TEX29: variants seen among roughly 807,000 people sequenced by gnomAD.
The protein encoded by TEX29 is testis expressed 29, also known as testis-expressed protein 29.
Under a neutral mutation model 18.2 loss-of-function variants are expected in TEX29, and 26 were observed. That is an observed-to-expected ratio of 1.43 (90% CI 1.04 to 1.98). TEX29 has a LOEUF of 1.98. TEX29 is among the 30% of genes most tolerant of loss of function. The probability of loss-of-function intolerance (pLI) is 0.00; values close to 1 mark genes in which losing one functional copy is unlikely to be tolerated. For missense variants in TEX29, 177 were observed against 194.2 expected (o/e 0.91, Z 0.53); for synonymous variants, 83 against 78.5 (o/e 1.06, Z -0.31).
intron 5 of TEX29, among the ~76,000 whole-genome samples, chr13:111,343,399 C>A (rs1406235431): frequency 6.6e-6 from 1 of 151,884 alleles, no homozygotes. Flanking sequence ...GGTGCCCTGG[C>A]CGCCTGGTGG....
At chr13:111,323,680 C>T (rs994920740) in intron 2 of TEX29, among the ~76,000 whole-genome samples, 3 of 151,610 alleles carry the variant, frequency 2.0e-5, no homozygotes, top group African/African-American at 7.3e-5. Flanking sequence ...GTGGTTCACA[C>T]GTGCTCCAGG....
intron 4 of TEX29, 28 bp from the exon 5 acceptor site, chr13:111,342,728 G>T (rs2153642205): frequency 6.2e-7 from 1 of 1,605,160 alleles, no homozygotes; most frequent in South Asian, 1.1e-5. Context: ...TAACTTCCCT[G>T]ACTGTGATAA....
chr13:111,332,642 A>G (rs2093684324), intron 3 of TEX29, among the ~76,000 whole-genome samples: 1 of 152,214 alleles, frequency 6.6e-6, no homozygotes, highest in Non-Finnish European at 1.5e-5. Context: ...TCACCATTAA[A>G]TACAGTGGTA....
chr13:111,320,365 G>A (rs1341213060), upstream of TEX29, among the ~76,000 whole-genome samples: 1 of 152,252 alleles, frequency 6.6e-6, no homozygotes, highest in Non-Finnish European at 1.5e-5. Context: ...GGGAGGGACA[G>A]GACTCAAGCA....
Position 111,344,114 on chromosome 13 carries a change from T to G in TEX29, c.447T>G (p.Thr149=), listed in dbSNP as rs1462478078. 6.2e-7 allele frequency: 1 copy of G among 1,613,250 alleles called. No homozygotes were observed. Among genetic ancestry groups the G allele is most frequent in the Non-Finnish European group, 8.5e-7 (1 of 1,179,500 alleles). The part of the protein sequence containing the change: ...VTGTITEAEE[T]ED The stretch of plus-strand genomic sequence containing the variant: ...GGACAATAACAGAAGCCGAAGAAAC[T>G]GAGGACTGACTGAGACGCATGAAGA... The change falls in exon 6 of 6, where the codon ACT becomes ACG. Residue 149 remains threonine, a synonymous_variant. Coordinates refer to ENST00000283547, the MANE Select transcript of TEX29 (RefSeq NM_152324.3).
intron 1 of TEX29, 44 bp downstream of exon 1, chr13:111,320,806 C>G (rs2093662723): frequency 6.3e-7 from 1 of 1,579,472 alleles, no homozygotes; most frequent in East Asian, 2.2e-5. Flanking sequence ...CGCCCGCTCC[C>G]CAAACGACGT....
At chr13:111,340,090 C>T (rs895333367) in intron 4 of TEX29, among the ~76,000 whole-genome samples, 158 bp downstream of exon 4, 5 of 151,958 alleles carry the variant, frequency 3.3e-5, no homozygotes, top group African/African-American at 4.8e-5. Context: ...GCCAGGCTCA[C>T]GGAGGGCCCC....
chr13:111,339,973 G>T (rs1177826448), intron 4 of TEX29, 41 bp downstream of exon 4: 1 of 1,461,870 alleles, frequency 6.8e-7, no homozygotes, highest in Non-Finnish European at 9.6e-7. Flanking sequence ...GGGGAGGAGG[G>T]GACTCACCTC....
rs2093676991 is a variant in TEX29, at chr13:111,328,114, G to T, written c.59-69G>T. 2.9e-6 allele frequency: 3 copies of T among 1,041,530 alleles called. No homozygotes were observed. In the South Asian group the frequency reaches 3.9e-5, roughly 14 times the overall value. The allele number at this position is 1,041,530 out of a possible 1,614,324, so 64.5% of individuals were successfully genotyped here. ...AGCTGCTCCCCACACCGGTTCCCAGGTTCTTTAGCGGAGAGCAGAGTGGCT... is the reference window on the plus strand; with the variant it reads ...AGCTGCTCCCCACACCGGTTCCCAGTTTCTTTAGCGGAGAGCAGAGTGGCT... On this transcript the variant is annotated intron_variant, in intron 2 of 5. Coordinates refer to ENST00000283547, the MANE Select transcript of TEX29 (RefSeq NM_152324.3).
At chr13:111,339,398 G>T in intron 3 of TEX29, 1 of 455,284 alleles carries the variant, frequency 2.2e-6, no homozygotes, top group South Asian at 1.6e-5. Flanking sequence ...ACCCCCAGGG[G>T]TCAGGAGCCA....
intron 2 of TEX29, among the ~76,000 whole-genome samples, chr13:111,324,294 C>T (rs972246071): frequency 6.6e-6 from 1 of 152,168 alleles, no homozygotes; most frequent in Non-Finnish European, 1.5e-5. Flanking sequence ...TCTAGTGGGC[C>T]GCCGGGCAGT....
At chr13:111,320,975 G>T in intron 2 of TEX29, 27 bp downstream of exon 2, 3 of 1,441,402 alleles carry the variant, frequency 2.1e-6, no homozygotes, top group Non-Finnish European at 2.8e-6. Context: ...CCAGGGGGGC[G>T]GGTGGGGTGG....
intron 3 of TEX29, 142 bp downstream of exon 3, chr13:111,328,435 T>C: frequency 1.6e-6 from 1 of 642,846 alleles, no homozygotes; most frequent in Non-Finnish European, 2.8e-6. Flanking sequence ...ACTCTTCTGC[T>C]CCGTCTTAGT....
At chr13:111,322,316 T>C (rs2093666086) in intron 2 of TEX29, among the ~76,000 whole-genome samples, 1 of 151,604 alleles carries the variant, frequency 6.6e-6, no homozygotes, top group African/African-American at 2.4e-5. Flanking sequence ...GCCGCTCTTG[T>C]GGACGGCTGG....
intron 3 of TEX29, among the ~76,000 whole-genome samples, chr13:111,337,627 G>A (rs951096994): frequency 3.9e-5 from 6 of 152,084 alleles, no homozygotes; most frequent in African/African-American, 1.4e-4. Flanking sequence ...TGAGAATCGG[G>A]AGGCCATCCT....
rs1013643309 is a variant in TEX29 at position 111,336,803 on chromosome 13, T to A, written c.170-3060T>A. 2.0e-5 allele frequency among the ~76,000 whole-genome samples: 3 copies of A among 152,242 alleles called. No individual in the cohort carries two copies. The East Asian group carries it at 5.8e-4, about 29-fold the overall frequency. ...CAAAGATATGGTCTGTAATAAATAGTGTTGCTAGACAGACACTGTACGGAG... is the reference window on the plus strand; with the variant it reads ...CAAAGATATGGTCTGTAATAAATAGAGTTGCTAGACAGACACTGTACGGAG... On this transcript the variant is annotated intron_variant, in intron 3 of 5. Transcript: ENST00000283547.
At chr13:111,319,773 G>A (rs2093660752), upstream of TEX29, among the ~76,000 whole-genome samples, 1 of 152,112 alleles carries the variant, frequency 6.6e-6, no homozygotes, top group Non-Finnish European at 1.5e-5. Context: ...GATTACAGGT[G>A]CGCACCATTA....
At chr13:111,321,669 T>A (rs1307721832) in intron 2 of TEX29, among the ~76,000 whole-genome samples, 2 of 150,572 alleles carry the variant, frequency 1.3e-5, no homozygotes, top group African/African-American at 4.9e-5. Context: ...TGGCCTGTAA[T>A]CCCAGCACTT....
intron 3 of TEX29, among the ~76,000 whole-genome samples, chr13:111,338,747 A>G (rs558137892): frequency 1.3e-5 from 2 of 152,362 alleles, no homozygotes; most frequent in South Asian, 4.1e-4. Flanking sequence ...ATTACTCTGT[A>G]TATGTGATTA....
Sources: gnomAD v4.1 joint callset for allele counts (sites outside exome capture counted in the v4.1 genomes callset) on GRCh38, gnomAD v4.1.1 for gene constraint, MANE v1.5 for transcripts, NCBI Gene and HGNC (gene_info 2026-07-23, HGNC 2026-07-21) for gene names.